SPRED1: variants seen among roughly 807,000 people sequenced by gnomAD.
SPRED1 encodes the protein sprouty-related, EVH1 domain-containing protein 1.
A neutral mutation model predicts 52.3 loss-of-function variants in SPRED1; 18 were observed. The ratio of observed to expected loss-of-function variants is 0.34; its 90% CI spans 0.24 to 0.51. The LOEUF (loss-of-function observed/expected upper bound fraction) is 0.51, where lower values mean the gene tolerates loss of function less well. Ranked by LOEUF, SPRED1 falls within the 20% of genes least tolerant of loss-of-function variation. SPRED1 has a pLI of 0.97. For missense variants in SPRED1, 485 were observed against 551.0 expected (o/e 0.88, Z 1.20); for synonymous variants, 155 against 179.7 (o/e 0.86, Z 1.10).
intron 1 of SPRED1, among the ~76,000 whole-genome samples, chr15:38,287,683 A>G (rs143198417): frequency 3.7e-4 from 56 of 152,284 alleles, no homozygotes; most frequent in African/African-American, 1.3e-3. Flanking sequence ...ACACACTTCA[A>G]AATCTTATTA....
In SPRED1 at chr15:38,355,199, A is replaced by T. The variant is rs1251528823; in HGVS notation, c.*3535A>T. The T allele has an allele frequency of 1.3e-5, 2 of 152,082 alleles. No homozygotes were observed. Among genetic ancestry groups the T allele is most frequent in the African/African-American group, 4.8e-5 (2 of 41,352 alleles). The allele number at this position is 152,082 out of a possible 1,614,324, so 9.4% of individuals were successfully genotyped here. On this transcript the variant is annotated 3_prime_UTR_variant, in exon 7 of 7. Coordinates refer to ENST00000299084, the MANE Select transcript of SPRED1 (RefSeq NM_152594.3). ...TTGAACTCCTGACCTTAGGTGATCC[A>T]CCCACCTCGGCCTCCCAAAGTGCTG...
chr15:38,280,645 G>A lies in SPRED1; in HGVS notation c.33-18728G>A, dbSNP rs903024706. On this transcript the variant is annotated intron_variant, in intron 1 of 6. Coordinates refer to ENST00000299084, the MANE Select transcript of SPRED1 (RefSeq NM_152594.3). ...GCTACTTAGGACATTTGGTTAGGCA[G>A]TGTACTAATAGAGATAGTAAGCGTA... is the stretch of plus-strand genomic sequence containing the variant. Among the ~76,000 whole-genome samples, 16 of 152,180 alleles carry A rather than the reference G, an allele frequency of 1.1e-4. 1 individual carries two copies. The highest frequency in any genetic ancestry group is 1.8e-4 in the Non-Finnish European group (12 of 68,012).
intron 2 of SPRED1, among the ~76,000 whole-genome samples, chr15:38,308,037 T>C (rs1895287175): frequency 6.6e-6 from 1 of 152,202 alleles, no homozygotes; most frequent in Non-Finnish European, 1.5e-5. Context: ...AAGGAATTTC[T>C]AATGTTGCAC....
At position 38,253,103 on chromosome 15, in the gene SPRED1, T is replaced by C; in HGVS notation, c.-83T>C. 1 of 1,299,276 alleles carries C rather than the reference T, an allele frequency of 7.7e-7. No homozygotes were observed. The highest frequency in any genetic ancestry group is 1.9e-4 in the Middle Eastern group (1 of 5,166). The allele number at this position is 1,299,276 out of a possible 1,614,324, so 80.5% of individuals were successfully genotyped here. On this transcript the variant is annotated 5_prime_UTR_variant, in exon 1 of 7. Coordinates refer to ENST00000299084, the MANE Select transcript of SPRED1 (RefSeq NM_152594.3). ...GCCCCCGCGCCCCCCCGGCCGCCGC[T>C]GCCTCCTGCCCCTCGGTGCTGCTGT...
chr15:38,283,258 G>A (rs548875306), intron 1 of SPRED1, among the ~76,000 whole-genome samples: 28 of 152,246 alleles, frequency 1.8e-4, no homozygotes, highest in African/African-American at 5.5e-4. Context: ...ATCAGATCTC[G>A]TGAGAACTCA....
chr15:38,327,890 G>T (rs1248902151), intron 4 of SPRED1, among the ~76,000 whole-genome samples: 1 of 152,290 alleles, frequency 6.6e-6, no homozygotes. Flanking sequence ...TTTTTCTTAA[G>T]ACGATTAGAA....
At chr15:38,291,566 A>T (rs1250800456) in intron 1 of SPRED1, among the ~76,000 whole-genome samples, 1 of 152,214 alleles carries the variant, frequency 6.6e-6, no homozygotes, top group African/African-American at 2.4e-5. Context: ...AGGTGTTTCC[A>T]TATATCTTCT....
chr15:38,316,454 G>T (rs1389338709), intron 2 of SPRED1, among the ~76,000 whole-genome samples: 1 of 151,974 alleles, frequency 6.6e-6, no homozygotes, highest in African/African-American at 2.4e-5. Flanking sequence ...TATTTACCTT[G>T]CTAGTAAAGA....
intron 1 of SPRED1, among the ~76,000 whole-genome samples, chr15:38,288,790 C>CT (rs922605709): frequency 2.0e-5 from 3 of 151,586 alleles, no homozygotes; most frequent in South Asian, 2.1e-4. Context: ...AATATTGTGT[C>CT]TTTTTTTTAT....
At chr15:38,317,691 T>G (rs1895516843) in intron 2 of SPRED1, among the ~76,000 whole-genome samples, 1 of 151,992 alleles carries the variant, frequency 6.6e-6, no homozygotes, top group Admixed American at 6.6e-5. Context: ...AATTCAGTAA[T>G]TTTAAGAATC....
chr15:38,332,456 C>G (rs1438785689), intron 4 of SPRED1, among the ~76,000 whole-genome samples: 1 of 151,926 alleles, frequency 6.6e-6, no homozygotes, highest in East Asian at 1.9e-4. Context: ...ACCTGTAGTC[C>G]CAGCTACTCA....
chr15:38,336,291 G>A (rs1004777489), intron 4 of SPRED1, among the ~76,000 whole-genome samples: 2 of 150,616 alleles, frequency 1.3e-5, no homozygotes, highest in Admixed American at 6.6e-5. Flanking sequence ...AAAGTTTCTT[G>A]CATATGCATG....
rs8036371 is a variant in SPRED1 at position 38,325,081 on chromosome 15, A to G, written c.423+272A>G. 0.82 allele frequency among the ~76,000 whole-genome samples: 124,262 copies of G among 151,958 alleles called. 51,554 individuals carry two copies. The highest frequency in any genetic ancestry group is 0.89 in the Non-Finnish European group (60,425 of 67,988). ...TCGAACTCCTGGGCTGAAGCAACCC[A>G]CCCACCTCCCCACAGTGCTGGGATC... On this transcript the variant is annotated intron_variant, in intron 4 of 6. Coordinates refer to ENST00000299084, the MANE Select transcript of SPRED1 (RefSeq NM_152594.3).
intron 5 of SPRED1, among the ~76,000 whole-genome samples, chr15:38,347,013 G>A (rs1281128949): frequency 6.6e-6 from 1 of 152,106 alleles, no homozygotes; most frequent in Non-Finnish European, 1.5e-5. Flanking sequence ...TTTGTGGCTA[G>A]TATCTCCTAG....
chr15:38,309,338 A>C (rs1352958055), intron 2 of SPRED1, among the ~76,000 whole-genome samples: 1 of 152,116 alleles, frequency 6.6e-6, no homozygotes, highest in Non-Finnish European at 1.5e-5. Flanking sequence ...ATGGGGTTTC[A>C]CCATGTTGGC....
At chr15:38,280,077 G>C (rs139561311) in intron 1 of SPRED1, among the ~76,000 whole-genome samples, 109 of 152,140 alleles carry the variant, frequency 7.2e-4, no homozygotes, top group African/African-American at 2.5e-3. Context: ...ATGTTGCCTT[G>C]GTCAATTTTT....
chr15:38,289,229 GA>G (rs10627721), intron 1 of SPRED1, among the ~76,000 whole-genome samples: 6,296 of 149,492 alleles, frequency 0.042, 453 homozygotes, highest in African/African-American at 0.15. Flanking sequence ...CTTTGAAATG[GA>G]AAAAAAAAAG....
intron 1 of SPRED1, among the ~76,000 whole-genome samples, chr15:38,270,786 G>GTATTA (rs1379287845): frequency 6.6e-6 from 1 of 151,910 alleles, no homozygotes; most frequent in African/African-American, 2.4e-5. Flanking sequence ...AATACTTGTT[G>GTATTA]AATTTTAAAT....
chr15:38,334,572 A>G (rs548498576), intron 4 of SPRED1, among the ~76,000 whole-genome samples: 1 of 152,078 alleles, frequency 6.6e-6, no homozygotes, highest in African/African-American at 2.4e-5. Flanking sequence ...CCATCAATTC[A>G]TCCTTCTATC....
Sources: allele counts gnomAD v4.1 joint callset (sites outside exome capture counted in the v4.1 genomes callset), GRCh38; gene constraint gnomAD v4.1.1; transcripts MANE v1.5; gene names NCBI Gene and HGNC (gene_info 2026-07-23, HGNC 2026-07-21).